The following NFIA variants were observed in gnomAD, a reference collection of about 807,000 sequenced individuals.
NFIA encodes the protein nuclear factor I A, also known as nuclear factor 1 A-type.
NFIA carries 8 observed loss-of-function variants against 62.8 expected under a neutral mutation model. The observed-to-expected ratio is 0.13, with a 90% CI of 0.07 to 0.23. The LOEUF (loss-of-function observed/expected upper bound fraction) is 0.23. Ranked by LOEUF, NFIA falls within the 10% of genes least tolerant of loss-of-function variation. The pLI is 1.00. For synonymous variants in NFIA, 235 were observed against 238.1 expected (o/e 0.99, Z 0.12); for missense variants, 410 against 642.1 (o/e 0.64, Z 3.91).
intron 3 of NFIA, among the ~76,000 whole-genome samples, chr1:61,287,734 A>T (rs1658598592): frequency 6.6e-6 from 1 of 151,886 alleles, no homozygotes; most frequent in African/African-American, 2.4e-5. Context: ...GTACTGCGTG[A>T]AATATACTTA....
chr1:61,284,917 A>G (rs543581833), intron 3 of NFIA, among the ~76,000 whole-genome samples: 1 of 152,298 alleles, frequency 6.6e-6, no homozygotes, highest in South Asian at 2.1e-4. Context: ...AGAAGTGCCT[A>G]TTGAATGTAA....
intron 2 of NFIA, among the ~76,000 whole-genome samples, chr1:61,154,670 T>C (rs1648666874): frequency 6.6e-6 from 1 of 152,210 alleles, no homozygotes; most frequent in Non-Finnish European, 1.5e-5. Flanking sequence ...CAGACTGGTA[T>C]TGAACTCCTG....
intron 2 of NFIA, among the ~76,000 whole-genome samples, chr1:61,218,029 C>G (rs1382936602): frequency 2.6e-5 from 4 of 152,206 alleles, no homozygotes; most frequent in Non-Finnish European, 4.4e-5. Context: ...TCTTGTTCAG[C>G]AAAACCTTAA....
At chr1:61,408,445 C>T (rs1159471981) in intron 9 of NFIA, among the ~76,000 whole-genome samples, 2 of 152,254 alleles carry the variant, frequency 1.3e-5, no homozygotes, top group Non-Finnish European at 2.9e-5. Flanking sequence ...ACTCTACTTA[C>T]ATCTGTTCCT....
At chr1:61,239,554 G>T (rs543268790) in intron 2 of NFIA, among the ~76,000 whole-genome samples, 1 of 152,060 alleles carries the variant, frequency 6.6e-6, no homozygotes, top group East Asian at 1.9e-4. Flanking sequence ...AAACTTTGGG[G>T]TAACTTCTAG....
intron 2 of NFIA, among the ~76,000 whole-genome samples, chr1:61,111,301 C>T (rs539911846): frequency 1.0e-3 from 156 of 152,212 alleles, no homozygotes; most frequent in African/African-American, 3.3e-3. Flanking sequence ...ACCTACTGTG[C>T]GCTTATTCTG....
chr1:61,204,833 A>G (rs1475837721), intron 2 of NFIA, among the ~76,000 whole-genome samples: 1 of 152,132 alleles, frequency 6.6e-6, no homozygotes, highest in East Asian at 1.9e-4. Flanking sequence ...TTTTTCTGAC[A>G]TATGCTGAGT....
At chr1:61,174,487 G>A (rs1650189672) in intron 2 of NFIA, among the ~76,000 whole-genome samples, 1 of 152,284 alleles carries the variant, frequency 6.6e-6, no homozygotes, top group Non-Finnish European at 1.5e-5. Flanking sequence ...GCAGAGAGAT[G>A]GTATACCACA....
chr1:61,238,660 G>A (rs1407940943), intron 2 of NFIA, among the ~76,000 whole-genome samples: 4 of 152,152 alleles, frequency 2.6e-5, no homozygotes, highest in Non-Finnish European at 5.9e-5. Flanking sequence ...AGCGCACTAA[G>A]TTGAGGATGA....
At chr1:61,229,890 G>A (rs1570419029) in intron 2 of NFIA, among the ~76,000 whole-genome samples, 2 of 152,182 alleles carry the variant, frequency 1.3e-5, no homozygotes, top group East Asian at 1.9e-4. Flanking sequence ...GTCAACAGAA[G>A]GAATCATACT....
intron 2 of NFIA, among the ~76,000 whole-genome samples, chr1:61,194,702 G>A (rs1651875287): frequency 6.6e-6 from 1 of 152,164 alleles, no homozygotes; most frequent in Non-Finnish European, 1.5e-5. Context: ...TCAAGGTCCT[G>A]TATGTAGGAA....
intron 2 of NFIA, among the ~76,000 whole-genome samples, chr1:61,195,008 T>G (rs1177110370): frequency 6.6e-6 from 1 of 152,154 alleles, no homozygotes; most frequent in Non-Finnish European, 1.5e-5. Flanking sequence ...TTTCTGTAGC[T>G]TTCTGAGACA....
intron 3 of NFIA, among the ~76,000 whole-genome samples, chr1:61,299,370 A>G (rs2100326231): frequency 6.6e-6 from 1 of 152,350 alleles, no homozygotes; most frequent in African/African-American, 2.4e-5. Flanking sequence ...TAGGCTATAC[A>G]GAAGAGAGCT....
rs1655145537 is a variant in NFIA, at chr1:61,238,667, A to T, written c.560-38853A>T. 2.0e-5 allele frequency among the ~76,000 whole-genome samples: 3 copies of T among 152,300 alleles called. No individual in the cohort carries two copies. In the South Asian group the frequency reaches 6.2e-4, roughly 32 times the overall value. On this transcript the variant is annotated intron_variant, in intron 2 of 10. Coordinates refer to ENST00000403491, the MANE Select transcript of NFIA (RefSeq NM_001134673.4). ...AGTTTGGCAGCGCACTAAGTTGAGGATGAGAAAAGAAAAAAGAAATTCTGT... is the reference window on the plus strand; with the variant it reads ...AGTTTGGCAGCGCACTAAGTTGAGGTTGAGAAAAGAAAAAAGAAATTCTGT...
intron 2 of NFIA, among the ~76,000 whole-genome samples, chr1:61,214,330 T>TA (rs113720793): frequency 0.38 from 53,824 of 143,458 alleles, 10,064 homozygotes; most frequent in East Asian, 0.54. Context: ...GTCCTTGCAA[T>TA]AAAAAAAAAA....
intron 2 of NFIA, among the ~76,000 whole-genome samples, chr1:61,104,591 C>T (rs1035568788): frequency 1.3e-5 from 2 of 151,924 alleles, no homozygotes; most frequent in African/African-American, 2.4e-5. Context: ...TTTCTTCCCC[C>T]CAACACATAC....
intron 7 of NFIA, among the ~76,000 whole-genome samples, chr1:61,403,705 G>A (rs1225699137): frequency 1.3e-5 from 2 of 152,198 alleles, no homozygotes; most frequent in East Asian, 1.9e-4. Context: ...ATAGCTCAGC[G>A]TGAAAGGGGA....
In NFIA at chr1:61,426,486, C is replaced by T. The variant is rs1666876389; in HGVS notation, c.1442C>T (p.Ser481Phe). The T allele has an allele frequency of 1.3e-6, 2 of 1,551,904 alleles. No homozygotes were observed. The highest frequency in any genetic ancestry group is 1.7e-6 in the Non-Finnish European group (2 of 1,146,994). The change falls in exon 10 of 11, where the codon TCC (serine) becomes TTC (phenylalanine). Residue 481 changes from serine (S) to phenylalanine (F), a missense_variant. Around this residue, in one of 3 missense-constraint regions of NFIA, gnomAD observed 298 missense variants for 438.1 expected, o/e 0.68. Transcript: ENST00000403491. ...TSPTYSTPST[S>F]PANRFVSVGP... ...ACAGCCTACTCGACACCCAGCACCT[C>T]CCCCGCAAACCGATTCGTCAGTGTT...
chr1:61,413,043 TA>T (rs1054172084), intron 9 of NFIA, among the ~76,000 whole-genome samples: 79 of 152,186 alleles, frequency 5.2e-4, no homozygotes, highest in Admixed American at 2.7e-3. Flanking sequence ...AAAACATGCA[TA>T]TTTTTTTAAT....
Sources: gnomAD v4.1 joint callset for allele counts (sites outside exome capture counted in the v4.1 genomes callset) on GRCh38, gnomAD v4.1.1 for gene constraint, gnomAD v4.1.1 regional missense constraint, MANE v1.5 for transcripts, NCBI Gene and HGNC (gene_info 2026-07-23, HGNC 2026-07-21) for gene names.